The following RAD51B variants were observed in gnomAD, a reference collection of about 807,000 sequenced individuals.
RAD51B encodes RAD51 paralog B, also known as DNA repair protein RAD51 homolog 2.
A neutral mutation model predicts 42.2 loss-of-function variants in RAD51B; 38 were observed. The ratio of observed to expected loss-of-function variants is 0.90; its 90% CI spans 0.70 to 1.18. The LOEUF (loss-of-function observed/expected upper bound fraction) is 1.18. Among genes scored for constraint, RAD51B ranks in the 50% most tolerant of loss-of-function variants. The pLI, the probability that RAD51B is intolerant of heterozygous loss-of-function variation, is 0.00. For missense variants in RAD51B, 373 were observed against 400.7 expected, an observed-to-expected ratio of 0.93 and a Z score of 0.59; for synonymous variants, 154 against 145.2, an observed-to-expected ratio of 1.06 and a Z score of -0.43.
intron 7 of RAD51B, among the ~76,000 whole-genome samples, chr14:67,942,135 T>C (rs558825797): frequency 6.5e-4 from 99 of 152,356 alleles, no homozygotes; most frequent in Middle Eastern, 3.4e-3. Context: ...GTCTCTCATA[T>C]AATTATAACA....
intron 8 of RAD51B, among the ~76,000 whole-genome samples, chr14:68,381,735 C>T (rs1959171186): frequency 6.6e-6 from 1 of 152,144 alleles, no homozygotes; most frequent in South Asian, 2.1e-4. Flanking sequence ...GGTTCTAACA[C>T]TACTTCTTCC....
At chr14:67,923,011 C>T (rs1282070870) in intron 7 of RAD51B, among the ~76,000 whole-genome samples, 4 of 152,008 alleles carry the variant, frequency 2.6e-5, no homozygotes, top group Non-Finnish European at 5.9e-5. Flanking sequence ...GTCTTTTTTA[C>T]CTCACCTGCC....
At chr14:68,664,798 C>T (rs1017552452) in intron 11 of RAD51B, among the ~76,000 whole-genome samples, 3 of 152,210 alleles carry the variant, frequency 2.0e-5, no homozygotes, top group Admixed American at 2.0e-4. Flanking sequence ...ATCTTGTGCC[C>T]TCTTATCCTC....
intron 7 of RAD51B, among the ~76,000 whole-genome samples, chr14:67,937,504 G>A (rs1436185250): frequency 6.6e-6 from 1 of 152,162 alleles, no homozygotes; most frequent in African/African-American, 2.4e-5. Context: ...ATCATGTGCC[G>A]CAGGCTGTTT....
intron 8 of RAD51B, among the ~76,000 whole-genome samples, chr14:68,319,292 AT>A (rs1322154527): frequency 6.6e-6 from 1 of 152,226 alleles, no homozygotes; most frequent in Non-Finnish European, 1.5e-5. Context: ...GTATGAGTAC[AT>A]CTAAAATATT....
At chr14:68,365,914 T>C (rs1207226105) in intron 8 of RAD51B, among the ~76,000 whole-genome samples, 5 of 152,220 alleles carry the variant, frequency 3.3e-5, no homozygotes, top group African/African-American at 9.6e-5. Flanking sequence ...TCCTGACTTT[T>C]TTTTAGTGAT....
At position 68,407,604 on chromosome 14, in the gene RAD51B, T is replaced by A. The variant is rs140274678; in HGVS notation, c.854-3820T>A. ...GCAGAGCACGACTCTGTATTAAAGG[T>A]GATAAGAAAAGCACACAAATAATAT... On this transcript the variant is annotated intron_variant, in intron 8 of 10. Transcript: ENST00000471583. 1.2e-4 allele frequency among the ~76,000 whole-genome samples: 18 copies of A among 152,170 alleles called. No individual in the cohort carries two copies. In the East Asian group the frequency reaches 3.5e-3, roughly 29 times the overall value.
intron 7 of RAD51B, among the ~76,000 whole-genome samples, chr14:68,217,462 G>A (rs79218773): frequency 0.025 from 3,769 of 152,184 alleles, 174 homozygotes; most frequent in African/African-American, 0.087. Flanking sequence ...TTCATTAGTC[G>A]GTACTCTATG....
intron 8 of RAD51B, among the ~76,000 whole-genome samples, chr14:68,379,442 C>G (rs1295767440): frequency 6.6e-6 from 1 of 152,110 alleles, no homozygotes; most frequent in Non-Finnish European, 1.5e-5. Context: ...GAGGAAATCC[C>G]CTTTCTGGCT....
At chr14:68,647,419 G>A (rs147466456) in intron 10 of RAD51B, among the ~76,000 whole-genome samples, 2 of 152,048 alleles carry the variant, frequency 1.3e-5, no homozygotes, top group East Asian at 3.9e-4. Context: ...AGGTATTTTT[G>A]TATTTAAAAA....
At chr14:67,953,690 G>C (rs2074496162) in intron 7 of RAD51B, among the ~76,000 whole-genome samples, 1 of 152,128 alleles carries the variant, frequency 6.6e-6, no homozygotes, top group Admixed American at 6.6e-5. Flanking sequence ...GAAGCATCTG[G>C]TAGACAGAAT....
intron 7 of RAD51B, among the ~76,000 whole-genome samples, chr14:67,980,132 C>CAA (rs35778215): frequency 6.8e-6 from 1 of 147,128 alleles, no homozygotes; most frequent in Non-Finnish European, 1.5e-5. Flanking sequence ...CATCTTATGC[C>CAA]AAAAAAAAAA....
intron 11 of RAD51B, among the ~76,000 whole-genome samples, chr14:68,666,021 A>G (rs551913338): frequency 6.6e-6 from 1 of 152,084 alleles, no homozygotes; most frequent in Admixed American, 6.6e-5. Context: ...TGGGAAGGGG[A>G]CTCACTCTTT....
At chr14:67,849,236 C>T (rs1405979269) in intron 4 of RAD51B, among the ~76,000 whole-genome samples, 1 of 152,176 alleles carries the variant, frequency 6.6e-6, no homozygotes, top group East Asian at 1.9e-4. Context: ...CCACACTTCT[C>T]AAAGACTTTG....
intron 9 of RAD51B, among the ~76,000 whole-genome samples, chr14:68,464,301 T>C (rs996886810): frequency 1.3e-5 from 2 of 152,222 alleles, no homozygotes; most frequent in African/African-American, 4.8e-5. Flanking sequence ...GATCTCATGA[T>C]ACTCTATTCA....
chr14:68,659,357 C>T (rs1268282951), intron 11 of RAD51B, among the ~76,000 whole-genome samples: 1 of 152,356 alleles, frequency 6.6e-6, no homozygotes, highest in Non-Finnish European at 1.5e-5. Flanking sequence ...CATCTGTCCC[C>T]CTTTAAGCCA....
chr14:67,980,701 T>G (rs2075076102), intron 7 of RAD51B, among the ~76,000 whole-genome samples: 1 of 152,108 alleles, frequency 6.6e-6, no homozygotes, highest in African/African-American at 2.4e-5. Context: ...TGTGAAAAAA[T>G]TATTTATATC....
intron 9 of RAD51B, among the ~76,000 whole-genome samples, chr14:68,420,394 G>A (rs905980359): frequency 2.0e-5 from 3 of 151,820 alleles, no homozygotes; most frequent in Non-Finnish European, 4.4e-5. Flanking sequence ...CTACTCCACA[G>A]CACAGCAACC....
chr14:68,014,190 CTTTTCTTTCTTTTT>C (rs1393262148), intron 7 of RAD51B, among the ~76,000 whole-genome samples: 1 of 138,592 alleles, frequency 7.2e-6, no homozygotes, highest in Non-Finnish European at 1.5e-5. Context: ...CTCTCCTTTT[CTTTTCTTTCTTTTT>C]TTTTTTTTTT....
Sources: allele counts gnomAD v4.1 joint callset (sites outside exome capture counted in the v4.1 genomes callset), GRCh38; gene constraint gnomAD v4.1.1; transcripts MANE v1.5; gene names NCBI Gene and HGNC (gene_info 2026-07-23, HGNC 2026-07-21).